ARL10: variants seen among roughly 807,000 people sequenced by gnomAD.
ARL10 encodes the protein ARF like GTPase 10, also known as ADP-ribosylation factor-like protein 10.
Under a neutral mutation model 26.1 loss-of-function variants are expected in ARL10, and 23 were observed. That is an observed-to-expected ratio of 0.88 (90% CI 0.63 to 1.25). ARL10 has a LOEUF of 1.25. Ranked by LOEUF, ARL10 falls within the 50% of genes most tolerant of loss-of-function variation. The pLI is 0.00. For missense variants in ARL10, 300 were observed against 323.6 expected, an observed-to-expected ratio of 0.93 and a Z score of 0.56; for synonymous variants, 138 against 149.1, an observed-to-expected ratio of 0.93 and a Z score of 0.54.
In ARL10 at chr5:176,379,400, C is replaced by T. The variant is rs1305142809; in HGVS notation, c.*7505C>T. 6.6e-6 allele frequency: 1 copy of T among 152,070 alleles called. No homozygotes were observed. Among genetic ancestry groups the T allele is most frequent in the East Asian group, 1.9e-4 (1 of 5,200 alleles). 9.4% of individuals were successfully genotyped at this position (152,070 alleles called of 1,614,324 possible). A position where few individuals can be genotyped will look rare whatever the true frequency, so the allele number is the denominator to read the frequency against. The stretch of plus-strand genomic sequence containing the variant: ...TCAGGGCTGGTCTCGATCTCCTGAC[C>T]TCAGGTGATCCACCCGCCTCGGCCT... On this transcript the variant is annotated 3_prime_UTR_variant, in exon 4 of 4. Transcript: ENST00000310389.
At chr5:176,409,221 G>T in the ARL10 span, among the ~76,000 whole-genome samples, 26 of 146,954 alleles carry the variant, frequency 1.8e-4, no homozygotes, top group African/African-American at 6.5e-4. Context: ...TGATCCACCT[G>T]CCTTGGCCTC....
downstream of ARL10, among the ~76,000 whole-genome samples, chr5:176,403,440 T>G (rs367669588): frequency 1.8e-4 from 27 of 150,232 alleles, no homozygotes; most frequent in African/African-American, 6.6e-4. Flanking sequence ...TTTTGTTTTT[T>G]GGTGTTTTTT....
chr5:176,386,060 G>A (rs1285200448), downstream of ARL10: 2 of 152,868 alleles, frequency 1.3e-5, no homozygotes, highest in Non-Finnish European at 2.9e-5. Context: ...AATGGGTATA[G>A]TTTCAGTTTT....
downstream of ARL10, among the ~76,000 whole-genome samples, chr5:176,391,739 ACCAGAAG>A (rs953062600): frequency 1.2e-4 from 19 of 152,190 alleles, no homozygotes; most frequent in African/African-American, 4.6e-4. Flanking sequence ...GCCTGAGGCT[ACCAGAAG>A]CCAGAAGCAG....
chr5:176,407,746 C>T, the ARL10 span, among the ~76,000 whole-genome samples: 1 of 152,184 alleles, frequency 6.6e-6, no homozygotes, highest in South Asian at 2.1e-4. Flanking sequence ...CCAAGCTGCA[C>T]AGAAGCAAAT....
downstream of ARL10, chr5:176,389,363 G>C (rs753116024): frequency 1.2e-6 from 2 of 1,613,902 alleles, no homozygotes; most frequent in Non-Finnish European, 1.7e-6. Context: ...CCTCACCTAC[G>C]GCCTCTACTC....
chr5:176,410,125 A>C, the ARL10 span: 4 of 768,736 alleles, frequency 5.2e-6, no homozygotes, highest in African/African-American at 1.8e-5. Context: ...ACCTTTCTCT[A>C]TGTTTCCACC....
chr5:176,365,724 TC>T lies in ARL10; in HGVS notation c.165del (p.Glu56SerfsTer72). 1.6e-6 allele frequency: 2 copies of T among 1,237,810 alleles called. No homozygotes were observed. The highest frequency in any genetic ancestry group is 1.0e-6 in the Non-Finnish European group (1 of 989,620). The allele number at this position is 1,237,810 out of a possible 1,614,324, so 76.7% of individuals were successfully genotyped here. On this transcript the variant is annotated frameshift_variant, in exon 1 of 4. Coordinates refer to ENST00000310389, the MANE Select transcript of ARL10 (RefSeq NM_173664.6). LOFTEE classifies it high-confidence loss of function. The stretch of plus-strand genomic sequence containing the variant: ...TGGTGGGGCGCGGAGGCTGCCCGCC[TC>T]CCCGAGTGGGACGAGTGGGACGTGA... ...EAWWGAEAAR[L>X]PEWDEWDPED... is the part of the protein sequence containing the mutation.
downstream of ARL10, among the ~76,000 whole-genome samples, chr5:176,390,939 A>ACTT (rs1402492781): frequency 1.3e-5 from 2 of 152,348 alleles, no homozygotes; most frequent in African/African-American, 4.8e-5. Flanking sequence ...TCCTTCATGT[A>ACTT]GTTTCAAACA....
At chr5:176,371,225 A>G (rs949246679) in intron 3 of ARL10, among the ~76,000 whole-genome samples, 3 of 152,020 alleles carry the variant, frequency 2.0e-5, no homozygotes, top group African/African-American at 7.2e-5. Context: ...AAATACAAAA[A>G]TTAGCCAGGC....
chr5:176,413,220 G>A, the ARL10 span, among the ~76,000 whole-genome samples: 4 of 152,108 alleles, frequency 2.6e-5, no homozygotes, highest in African/African-American at 9.7e-5. Flanking sequence ...ACAGAGACAC[G>A]TCCCAGGGAT....
intron 1 of ARL10, 33 bp downstream of exon 1, chr5:176,365,779 G>A (rs1248196068): frequency 4.1e-6 from 5 of 1,232,430 alleles, no homozygotes; most frequent in Non-Finnish European, 5.1e-6. Context: ...CGGAAGGGCG[G>A]GCAGGCTGGG....
At chr5:176,410,035 G>T in the ARL10 span, among the ~76,000 whole-genome samples, 3 of 152,264 alleles carry the variant, frequency 2.0e-5, no homozygotes, top group East Asian at 3.9e-4. Context: ...GGCAACCTGA[G>T]GCTACTGCCC....
At chr5:176,387,076 CTCTT>C (rs1471036440) in intron 1 of ARL10, 73 of 292,822 alleles carry the variant, frequency 2.5e-4, no homozygotes, top group East Asian at 2.3e-3. Context: ...CTCTCTCTCT[CTCTT>C]TTTTTTTTTC....
rs1432788361 is a variant in ARL10, at chr5:176,366,624, A to G, written c.385+43A>G. ...CCCATCTCCCCGTCTCCTCTACTGG[A>G]CCAGTCCTGGATTCTCTGCAGGGAA... On this transcript the variant is annotated intron_variant, in intron 2 of 3. Coordinates refer to ENST00000310389, the MANE Select transcript of ARL10 (RefSeq NM_173664.6). The G allele has an allele frequency of 6.2e-6, 10 of 1,605,420 alleles. No homozygotes were observed. In the South Asian group the frequency reaches 1.0e-4, roughly 16 times the overall value.
Position 176,371,886 on chromosome 5 carries a change from C to A in ARL10, c.726C>A (p.Leu242=). 2 of 1,614,000 alleles carry A rather than the reference C, an allele frequency of 1.2e-6. No homozygotes were observed. Among genetic ancestry groups the A allele is most frequent in the Non-Finnish European group, 1.7e-6 (2 of 1,179,910 alleles). Residue 242 remains leucine, a synonymous_variant, in exon 4 of 4, where the codon CTC becomes CTA. Transcript: ENST00000310389. ...TVHIWKLLLE[L]LS is the part of the protein sequence containing the mutation. ...ACATCTGGAAACTGCTCTTGGAGCT[C>A]CTCTCCTAGGCTGGAGCTCTCCTGC...
At chr5:176,384,057 A>C, downstream of ARL10, 5 of 1,560,048 alleles carry the variant, frequency 3.2e-6, no homozygotes, top group Non-Finnish European at 4.3e-6. Flanking sequence ...GGAGCCTCTG[A>C]GAACAGTTCC....
downstream of ARL10, chr5:176,392,447 A>G (rs1477829129): frequency 4.0e-6 from 1 of 248,662 alleles, no homozygotes; most frequent in Non-Finnish European, 7.8e-6. This position sits in a 1 kb window ranked among gnomAD's most constrained non-coding sequence, Gnocchi z 5.2. Flanking sequence ...GAGCCCTGAC[A>G]CCAGTTGTGG....
In ARL10 at chr5:176,366,489, C is replaced by T. The variant is rs1349439240; in HGVS notation, c.293C>T (p.Ser98Leu). Reference sequence around the variant, plus strand: ...AAGAGCACGTTCCTGCGCGTGTTGTCGGGGAAGCCACCGCTGGAAGGCCAC... The same window carrying T: ...AAGAGCACGTTCCTGCGCGTGTTGTTGGGGAAGCCACCGCTGGAAGGCCAC... Reference protein sequence around the residue: ...AGKSTFLRVLSGKPPLEGHIP... With the variant: ...AGKSTFLRVLLGKPPLEGHIP... The change falls in exon 2 of 4, where the codon TCG becomes TTG. Residue 98 changes from serine to leucine, a missense_variant. Physicochemically the swap from Ser to Leu is moderately radical, Grantham distance 145 (BLOSUM62 -2). Coordinates refer to ENST00000310389, the MANE Select transcript of ARL10 (RefSeq NM_173664.6). The T allele has an allele frequency of 1.9e-6, 3 of 1,614,004 alleles. No individual in the cohort carries two copies. The highest frequency in any genetic ancestry group is 1.1e-5 in the South Asian group (1 of 91,072).
Sources: gnomAD v4.1 joint callset for allele counts (sites outside exome capture counted in the v4.1 genomes callset) on GRCh38, gnomAD v4.1.1 for gene constraint, Gnocchi (gnomAD v3.1) non-coding constraint, MANE v1.5 for transcripts, NCBI Gene and HGNC (gene_info 2026-07-23, HGNC 2026-07-21) for gene names.